OTUD7A: variants seen among roughly 807,000 people sequenced by gnomAD.
The protein encoded by OTUD7A is OTU domain-containing protein 7A.
Under a neutral mutation model 65.7 loss-of-function variants are expected in OTUD7A, and 12 were observed. The ratio of observed to expected loss-of-function variants is 0.18; its 90% CI spans 0.12 to 0.30. OTUD7A has a LOEUF of 0.30. Ranked by LOEUF, OTUD7A falls within the 10% of genes least tolerant of loss-of-function variation. The pLI, the probability that OTUD7A is intolerant of heterozygous loss-of-function variation, is 1.00. For synonymous variants in OTUD7A, 641 were observed against 586.3 expected, an observed-to-expected ratio of 1.09 and a Z score of -1.35; for missense variants, 1,148 against 1,304.8, an observed-to-expected ratio of 0.88 and a Z score of 1.85.
At position 31,800,029 on chromosome 15, in the gene OTUD7A, G is replaced by A. The variant is rs1235369114; in HGVS notation, c.-100+70478C>T. 5.9e-5 allele frequency among the ~76,000 whole-genome samples: 9 copies of A among 152,280 alleles called. 1 individual carries two copies. The highest frequency in any genetic ancestry group is 2.2e-4 in the African/African-American group (9 of 41,554). On this transcript the variant is annotated intron_variant, in intron 1 of 12. Coordinates refer to ENST00000307050, the MANE Select transcript of OTUD7A (RefSeq NM_001382637.1). The stretch of plus-strand genomic sequence containing the variant: ...AACAAGAAGGTTGTTTATTACACCA[G>A]AAACCGCAGAAAGTGAGAAGGCTGG...
Position 31,487,542 on chromosome 15 carries a change from T to C in OTUD7A, c.1196A>G (p.Glu399Gly). The C allele has an allele frequency of 6.2e-7, 1 of 1,613,846 alleles. No homozygotes were observed. The highest frequency in any genetic ancestry group is 8.5e-7 in the Non-Finnish European group (1 of 1,179,972). Residue 399 changes from glutamate to glycine, a missense_variant, in exon 11 of 13, where the codon GAG becomes GGG. By Grantham distance (98) the Glu-to-Gly change is moderately conservative. Around this residue, in one of 6 missense-constraint regions of OTUD7A, gnomAD observed 58 missense variants for 131.4 expected, o/e 0.44. Transcript: ENST00000307050. The surrounding 1 kb of genome is among the most constrained non-coding windows in gnomAD (Gnocchi z 6.0). ...AAAGTGCAGAGGCAGCAGCTTGTGCTCAGAATCCGTCAGGGGGATCACGGC... is the reference window on the plus strand; with the variant it reads ...AAAGTGCAGAGGCAGCAGCTTGTGCCCAGAATCCGTCAGGGGGATCACGGC... ...EQAVIPLTDSEHKLLPLHFAV... is the reference protein window; with the variant it reads ...EQAVIPLTDSGHKLLPLHFAV...
At chr15:31,562,764 A>G (rs555244711) in intron 4 of OTUD7A, among the ~76,000 whole-genome samples, 1 of 152,250 alleles carries the variant, frequency 6.6e-6, no homozygotes, top group Admixed American at 6.5e-5. Flanking sequence ...AGTCTCAACT[A>G]CTCACCTCTG....
intron 1 of OTUD7A, among the ~76,000 whole-genome samples, chr15:31,828,880 A>T (rs961916069): frequency 1.3e-5 from 2 of 152,260 alleles, no homozygotes; most frequent in Middle Eastern, 3.4e-3. Flanking sequence ...AGGGGCCAGA[A>T]GATGTACACT....
intron 3 of OTUD7A, among the ~76,000 whole-genome samples, chr15:31,571,963 C>T (rs1336100002): frequency 1.3e-5 from 2 of 152,144 alleles, no homozygotes; most frequent in East Asian, 3.9e-4. Context: ...TTTGCCTCTT[C>T]CTGCCCTTAA....
intron 5 of OTUD7A, among the ~76,000 whole-genome samples, chr15:31,544,527 A>T (rs1888075625): frequency 1.3e-5 from 2 of 151,870 alleles, no homozygotes; most frequent in African/African-American, 4.8e-5. Context: ...TTTCAGACAA[A>T]TGAAAACCTG....
chr15:31,600,531 A>G (rs1212412488), intron 3 of OTUD7A, among the ~76,000 whole-genome samples: 3 of 152,190 alleles, frequency 2.0e-5, no homozygotes, highest in Non-Finnish European at 4.4e-5. Flanking sequence ...GACCATCAAC[A>G]CTATGAAGAA....
chr15:31,735,930 G>C (rs1050941893), intron 1 of OTUD7A, among the ~76,000 whole-genome samples: 1 of 152,172 alleles, frequency 6.6e-6, no homozygotes, highest in South Asian at 2.1e-4. Context: ...TGGAGCTGGA[G>C]GCCATTATCC....
rs1217381346 is a variant in OTUD7A at position 31,477,017 on chromosome 15, T to TG, written c.*6276dup. On this transcript the variant is annotated 3_prime_UTR_variant, in exon 13 of 13. Transcript: ENST00000307050. ...TGGGCCCAAGGAGGTGTGTGTTGCT[T>TG]GGCTCTGTGGTGTCAAGGCCCTGAC... 6.6e-6 allele frequency: 1 copy of TG among 152,330 alleles called. No individual in the cohort carries two copies. The highest frequency in any genetic ancestry group is 1.9e-4 in the East Asian group (1 of 5,196). The allele number at this position is 152,330 out of a possible 1,614,324, so 9.4% of individuals were successfully genotyped here. A position where few individuals can be genotyped will look rare whatever the true frequency, so the allele number is the denominator to read the frequency against.
chr15:31,564,985 G>A (rs1433457922), intron 4 of OTUD7A, among the ~76,000 whole-genome samples: 1 of 152,078 alleles, frequency 6.6e-6, no homozygotes, highest in Non-Finnish European at 1.5e-5. Flanking sequence ...AACACACGAG[G>A]AAGATAATCT....
chr15:31,551,276 TG>T (rs1362413378), intron 5 of OTUD7A, among the ~76,000 whole-genome samples: 1 of 152,120 alleles, frequency 6.6e-6, no homozygotes, highest in Non-Finnish European at 1.5e-5. Context: ...GAGATAAAGG[TG>T]TGCTCCATAC....
chr15:31,769,236 T>C (rs11632840), intron 1 of OTUD7A, among the ~76,000 whole-genome samples: 136,496 of 152,194 alleles, frequency 0.9, 62,528 homozygotes, highest in East Asian at 1. Context: ...TATATTGTCA[T>C]CAGATACAGT....
intron 3 of OTUD7A, among the ~76,000 whole-genome samples, chr15:31,630,248 C>T (rs917807247): frequency 3.5e-4 from 52 of 147,274 alleles, no homozygotes; most frequent in Admixed American, 6.8e-4. Context: ...AATTTCCCTC[C>T]ACACACCGCT....
chr15:31,754,989 G>A (rs1374655221), intron 1 of OTUD7A, among the ~76,000 whole-genome samples: 1 of 151,978 alleles, frequency 6.6e-6, no homozygotes. Flanking sequence ...GGAAGACGAA[G>A]AGAGTGAGAG....
chr15:31,664,471 G>A (rs867386754), intron 1 of OTUD7A, among the ~76,000 whole-genome samples: 2 of 151,980 alleles, frequency 1.3e-5, no homozygotes, highest in Admixed American at 1.3e-4. Flanking sequence ...CTTCTTTTGA[G>A]AACTGTCTAT....
intron 8 of OTUD7A, among the ~76,000 whole-genome samples, chr15:31,508,669 C>A (rs1189844923): frequency 6.6e-6 from 1 of 152,238 alleles, no homozygotes; most frequent in Admixed American, 6.5e-5. Context: ...GGTTTGTAGG[C>A]TGGTGCTGAT....
chr15:31,859,189 TTTG>T (rs1303863435), intron 1 of OTUD7A, among the ~76,000 whole-genome samples: 3 of 152,236 alleles, frequency 2.0e-5, no homozygotes, highest in Non-Finnish European at 2.9e-5. Context: ...ATTGTATTTT[TTTG>T]TTGTTATTTT....
intron 1 of OTUD7A, among the ~76,000 whole-genome samples, chr15:31,775,367 T>C (rs1025883564): frequency 6.6e-6 from 1 of 152,124 alleles, no homozygotes; most frequent in Non-Finnish European, 1.5e-5. Flanking sequence ...CACACATCAG[T>C]GGATGAAAAC....
chr15:31,720,944 A>G (rs965883232), intron 1 of OTUD7A, among the ~76,000 whole-genome samples: 2 of 151,426 alleles, frequency 1.3e-5, no homozygotes, highest in Non-Finnish European at 2.9e-5. Context: ...AAGTTTAGAA[A>G]CACACATACT....
Position 31,481,574 on chromosome 15 carries a change from C to A in OTUD7A, c.*1720G>T, listed in dbSNP as rs1436517260. 6.6e-6 allele frequency: 1 copy of A among 152,110 alleles called. No homozygotes were observed. Among genetic ancestry groups the A allele is most frequent in the Non-Finnish European group, 1.5e-5 (1 of 68,018 alleles). The allele number at this position is 152,110 out of a possible 1,614,324, so 9.4% of individuals were successfully genotyped here. A position where few individuals can be genotyped will look rare whatever the true frequency, so the allele number is the denominator to read the frequency against. The stretch of plus-strand genomic sequence containing the variant: ...AACTTTCAAAAAATTTCTTAAAGAT[C>A]CTATTTAATAAATAATTTTTGATTT... On this transcript the variant is annotated 3_prime_UTR_variant, in exon 13 of 13. Coordinates refer to ENST00000307050, the MANE Select transcript of OTUD7A (RefSeq NM_001382637.1).
Sources: allele counts gnomAD v4.1 joint callset (sites outside exome capture counted in the v4.1 genomes callset), GRCh38; gene constraint gnomAD v4.1.1; regional missense constraint gnomAD v4.1.1; non-coding constraint Gnocchi (gnomAD v3.1); transcripts MANE v1.5; gene names NCBI Gene and HGNC (gene_info 2026-07-23, HGNC 2026-07-21).